The following EHBP1 variants were observed in gnomAD, a reference collection of about 807,000 sequenced individuals.
EHBP1 encodes EH domain-binding protein 1.
In EHBP1, 55 loss-of-function variants were observed where a neutral mutation model predicts 144.0. The ratio of observed to expected loss-of-function variants is 0.38; its 90% CI spans 0.31 to 0.48. The LOEUF (loss-of-function observed/expected upper bound fraction) is 0.48. Among genes scored for constraint, EHBP1 ranks in the 20% least tolerant of loss-of-function variants. The pLI is 0.98. For synonymous variants in EHBP1, 469 were observed against 472.7 expected (o/e 0.99, Z 0.10); for missense variants, 1,200 against 1,364.2 (o/e 0.88, Z 1.90).
intron 5 of EHBP1, 27 bp from the exon 6 acceptor site, chr2:62,826,060 A>G (rs758620213): frequency 3.5e-6 from 5 of 1,430,244 alleles, no homozygotes; most frequent in Non-Finnish European, 3.7e-6. Flanking sequence ...TCAAAATTAC[A>G]TACTTTTTTT....
At chr2:62,834,305 C>T (rs548823751) in intron 7 of EHBP1, among the ~76,000 whole-genome samples, 20 of 152,158 alleles carry the variant, frequency 1.3e-4, no homozygotes, top group Non-Finnish European at 2.5e-4. Flanking sequence ...CAGCATTGCA[C>T]GCTACAGAGA....
At chr2:62,761,685 G>A (rs2040781443) in intron 3 of EHBP1, among the ~76,000 whole-genome samples, 1 of 152,106 alleles carries the variant, frequency 6.6e-6, no homozygotes, top group Non-Finnish European at 1.5e-5. Context: ...AATGGTCTGT[G>A]CTTCCAGGAA....
intron 20 of EHBP1, among the ~76,000 whole-genome samples, chr2:63,037,993 C>T (rs879293061): frequency 2.6e-5 from 4 of 151,976 alleles, no homozygotes; most frequent in Admixed American, 6.6e-5. Flanking sequence ...AATAAAATAA[C>T]TCTTAATAAG....
chr2:62,894,690 T>C (rs915689777), intron 10 of EHBP1, among the ~76,000 whole-genome samples: 7 of 152,124 alleles, frequency 4.6e-5, no homozygotes, highest in Non-Finnish European at 1.0e-4. Flanking sequence ...ATTTGGACTT[T>C]ATTGTGTAGA....
chr2:62,837,194 TAAAG>T (rs1482717178), intron 7 of EHBP1, among the ~76,000 whole-genome samples: 1 of 147,586 alleles, frequency 6.8e-6, no homozygotes, highest in Non-Finnish European at 1.5e-5. Flanking sequence ...TCAATATTCT[TAAAG>T]AAAAGAATTT....
intron 2 of EHBP1, among the ~76,000 whole-genome samples, chr2:62,724,927 G>A (rs1233706875): frequency 1.3e-5 from 2 of 152,196 alleles, no homozygotes; most frequent in Admixed American, 6.5e-5. Flanking sequence ...CTCAACTTGT[G>A]TAGAAAAATT....
chr2:62,692,065 G>T (rs1431547186), intron 1 of EHBP1, among the ~76,000 whole-genome samples: 1 of 151,972 alleles, frequency 6.6e-6, no homozygotes. Flanking sequence ...ACTCCTTCAT[G>T]TGCCTGAACT....
chr2:62,831,398 AT>A (rs1462968056), intron 7 of EHBP1, among the ~76,000 whole-genome samples: 1 of 152,246 alleles, frequency 6.6e-6, no homozygotes, highest in Non-Finnish European at 1.5e-5. Context: ...TTCTTGAATT[AT>A]AATACAAAGC....
intron 10 of EHBP1, among the ~76,000 whole-genome samples, chr2:62,909,162 A>G (rs963197717): frequency 2.0e-5 from 3 of 152,142 alleles, no homozygotes; most frequent in Admixed American, 6.5e-5. Context: ...AGTGTAATCA[A>G]TAAATTCTTG....
At chr2:62,701,492 C>A (rs1383264568), upstream of EHBP1, among the ~76,000 whole-genome samples, 2 of 152,164 alleles carry the variant, frequency 1.3e-5, no homozygotes, top group Non-Finnish European at 2.9e-5. Context: ...TATTCCTCAA[C>A]AGGTTAGGCT....
chr2:62,853,212 A>G (rs182158213), intron 7 of EHBP1, among the ~76,000 whole-genome samples: 1 of 152,300 alleles, frequency 6.6e-6, no homozygotes, highest in African/African-American at 2.4e-5. Context: ...TATTGCAGTA[A>G]AGCAAGTCAC....
At chr2:62,939,434 C>T (rs1267035880) in intron 10 of EHBP1, among the ~76,000 whole-genome samples, 1 of 152,014 alleles carries the variant, frequency 6.6e-6, no homozygotes, top group Non-Finnish European at 1.5e-5. Context: ...TCACCATGCC[C>T]AGCTATTTTT....
At chr2:62,708,018 G>C (rs2034767072) in intron 2 of EHBP1, among the ~76,000 whole-genome samples, 1 of 152,186 alleles carries the variant, frequency 6.6e-6, no homozygotes, top group South Asian at 2.1e-4. Context: ...TTTAGTGAGA[G>C]AAAAAAGTTA....
At chr2:62,940,674 A>T (rs1302263091) in intron 10 of EHBP1, among the ~76,000 whole-genome samples, 2 of 152,172 alleles carry the variant, frequency 1.3e-5, no homozygotes, top group Non-Finnish European at 2.9e-5. Flanking sequence ...CAACGGCTCT[A>T]TGATTTTCTT....
intron 10 of EHBP1, among the ~76,000 whole-genome samples, chr2:62,935,344 A>AAAATATATATAT (rs1553479000): frequency 1.6e-5 from 2 of 121,488 alleles, no homozygotes; most frequent in African/African-American, 3.2e-5. Context: ...AAAAAAAAAA[A>AAAATATATATAT]ATATATATAT....
intron 3 of EHBP1, among the ~76,000 whole-genome samples, chr2:62,758,239 G>T (rs1053434617): frequency 1.3e-5 from 2 of 152,060 alleles, no homozygotes; most frequent in African/African-American, 2.4e-5. Context: ...CTCCTGAATA[G>T]CTGGGATTAC....
intron 10 of EHBP1, among the ~76,000 whole-genome samples, chr2:62,877,244 T>A (rs573982734): frequency 6.6e-6 from 1 of 152,110 alleles, no homozygotes; most frequent in South Asian, 2.1e-4. Flanking sequence ...CCAACAAAGA[T>A]CAGAAAACAC....
intron 3 of EHBP1, among the ~76,000 whole-genome samples, chr2:62,750,715 A>T (rs1428577479): frequency 6.6e-6 from 1 of 152,046 alleles, no homozygotes; most frequent in African/African-American, 2.4e-5. Flanking sequence ...TGTAAGTTGG[A>T]TTCCTAGGTG....
At chr2:62,688,687 C>CT (rs566623996) in intron 1 of EHBP1, among the ~76,000 whole-genome samples, 66 of 147,114 alleles carry the variant, frequency 4.5e-4, no homozygotes, top group Non-Finnish European at 3.9e-4. Flanking sequence ...ATGAGATCAA[C>CT]TTTTTTTTTT....
Sources: allele counts gnomAD v4.1 joint callset (sites outside exome capture counted in the v4.1 genomes callset), GRCh38; gene constraint gnomAD v4.1.1; transcripts MANE v1.5; gene names NCBI Gene and HGNC (gene_info 2026-07-23, HGNC 2026-07-21).